Variants in SYT16 observed in about 807,000 individuals in gnomAD.
SYT16 encodes synaptotagmin 16.
Under a neutral mutation model 61.4 loss-of-function variants are expected in SYT16, and 42 were observed. That is an observed-to-expected ratio of 0.68 (90% CI 0.53 to 0.89). The LOEUF (loss-of-function observed/expected upper bound fraction) is 0.89, where lower values mean the gene tolerates loss of function less well. Ranked by LOEUF, SYT16 falls within the 40% of genes least tolerant of loss-of-function variation. The probability of loss-of-function intolerance (pLI) is 0.00; values close to 1 mark genes in which losing one functional copy is unlikely to be tolerated. For missense variants in SYT16, 804 were observed against 807.3 expected (o/e 1.00, Z 0.05); for synonymous variants, 314 against 302.3 (o/e 1.04, Z -0.40).
chr14:61,995,542 G>C (rs1309451632), intron 2 of SYT16, among the ~76,000 whole-genome samples: 1 of 151,736 alleles, frequency 6.6e-6, no homozygotes, highest in Non-Finnish European at 1.5e-5. Flanking sequence ...GACCTTTTTT[G>C]CGTTTTGAAA....
At chr14:61,989,872 C>T (rs548383361) in intron 2 of SYT16, among the ~76,000 whole-genome samples, 1 of 152,290 alleles carries the variant, frequency 6.6e-6, no homozygotes, top group African/African-American at 2.4e-5. Flanking sequence ...TTTATATTAA[C>T]TGCCTCCCTG....
intron 1 of SYT16, among the ~76,000 whole-genome samples, chr14:61,868,269 T>G (rs916152785): frequency 1.3e-5 from 2 of 151,902 alleles, no homozygotes; most frequent in African/African-American, 2.4e-5. Context: ...GTTTATCAAT[T>G]TTATTGTTTT....
chr14:62,078,331 G>T (rs1209365083), intron 5 of SYT16, among the ~76,000 whole-genome samples: 1 of 152,104 alleles, frequency 6.6e-6, no homozygotes, highest in Non-Finnish European at 1.5e-5. Flanking sequence ...AACTGCCAGG[G>T]CATGAGTCCT....
At chr14:62,045,705 T>G (rs1293546891) in intron 3 of SYT16, among the ~76,000 whole-genome samples, 2 of 152,120 alleles carry the variant, frequency 1.3e-5, no homozygotes, top group African/African-American at 4.8e-5. Context: ...ATGCGGTGTT[T>G]GGTTTTTTGT....
intron 3 of SYT16, among the ~76,000 whole-genome samples, chr14:62,043,635 T>A (rs2054837079): frequency 6.6e-6 from 1 of 152,042 alleles, no homozygotes; most frequent in African/African-American, 2.4e-5. Flanking sequence ...TCTTGATCTC[T>A]TGACTTCGTG....
chr14:61,891,447 T>C (rs984332408), intron 1 of SYT16, among the ~76,000 whole-genome samples: 1 of 152,190 alleles, frequency 6.6e-6, no homozygotes, highest in Non-Finnish European at 1.5e-5. Context: ...TGTTGACTCA[T>C]GTTGGATGAT....
intron 1 of SYT16, among the ~76,000 whole-genome samples, chr14:61,847,270 G>A (rs1024416370): frequency 2.0e-5 from 3 of 152,118 alleles, no homozygotes; most frequent in Non-Finnish European, 4.4e-5. Context: ...TCGTTTGTCT[G>A]GGAAAGTCTT....
At chr14:62,016,786 G>A (rs2053703092) in intron 3 of SYT16, among the ~76,000 whole-genome samples, 1 of 152,106 alleles carries the variant, frequency 6.6e-6, no homozygotes, top group Admixed American at 6.5e-5. Context: ...GCCTAAGTAT[G>A]TTTTTATAAC....
Position 62,104,045 on chromosome 14 carries a change from G to A in SYT16, c.*3338G>A, listed in dbSNP as rs1170984937. On this transcript the variant is annotated 3_prime_UTR_variant, in exon 8 of 8. Transcript: ENST00000683842. ...TACTGTGCTTTAGATGACCTTATCTGAGAACCAAAATTCTTTTCTTTCCAG... is the reference window on the plus strand; with the variant it reads ...TACTGTGCTTTAGATGACCTTATCTAAGAACCAAAATTCTTTTCTTTCCAG... 2 of 152,178 alleles carry A rather than the reference G, an allele frequency of 1.3e-5. No individual in the cohort carries two copies. Among genetic ancestry groups the A allele is most frequent in the Non-Finnish European group, 2.9e-5 (2 of 68,036 alleles). 9.4% of individuals were successfully genotyped at this position (152,178 alleles called of 1,614,324 possible).
chr14:61,891,319 GT>G (rs998605445), intron 1 of SYT16, among the ~76,000 whole-genome samples: 17 of 147,740 alleles, frequency 1.2e-4, no homozygotes, highest in East Asian at 9.8e-4. Context: ...GTCTTCACCT[GT>G]TTTTTTTTTC....
chr14:61,905,681 A>G (rs182550596), intron 1 of SYT16, among the ~76,000 whole-genome samples: 12 of 151,930 alleles, frequency 7.9e-5, no homozygotes, highest in Admixed American at 6.5e-4. Context: ...CAGGGTCTCT[A>G]TCAGTCTAGC....
chr14:61,891,860 G>C (rs994203367), intron 1 of SYT16, among the ~76,000 whole-genome samples: 1 of 152,134 alleles, frequency 6.6e-6, no homozygotes, highest in African/African-American at 2.4e-5. Flanking sequence ...ATATAATTAT[G>C]TGTCCATGTT....
intron 1 of SYT16, among the ~76,000 whole-genome samples, chr14:61,859,002 C>A (rs531164303): frequency 6.7e-6 from 1 of 149,386 alleles, no homozygotes; most frequent in Admixed American, 6.6e-5. Flanking sequence ...CTACAGGCGC[C>A]CACCACTACG....
chr14:61,929,928 G>C (rs1232088444), intron 1 of SYT16, among the ~76,000 whole-genome samples: 1 of 152,064 alleles, frequency 6.6e-6, no homozygotes, highest in African/African-American at 2.4e-5. Flanking sequence ...TTGTATATAA[G>C]GCAGTTACAT....
At chr14:62,086,498 A>G (rs1471938883) in intron 7 of SYT16, among the ~76,000 whole-genome samples, 1 of 144,870 alleles carries the variant, frequency 6.9e-6, no homozygotes, top group Non-Finnish European at 1.6e-5. Context: ...AAACAACAAC[A>G]AACAAACAAA....
At chr14:61,933,443 T>C (rs922500296) in intron 1 of SYT16, among the ~76,000 whole-genome samples, 7 of 152,214 alleles carry the variant, frequency 4.6e-5, no homozygotes, top group Non-Finnish European at 8.8e-5. Context: ...TCCCTGAATG[T>C]AGGACTGTAT....
rs1273407211 is a variant in SYT16 at position 62,102,239 on chromosome 14, G to C, written c.*1532G>C. The C allele has an allele frequency of 6.6e-6, 1 of 152,194 alleles. No homozygotes were observed. Among genetic ancestry groups the C allele is most frequent in the African/African-American group, 2.4e-5 (1 of 41,424 alleles). The allele number at this position is 152,194 out of a possible 1,614,324, so 9.4% of individuals were successfully genotyped here. A position where few individuals can be genotyped will look rare whatever the true frequency, so the allele number is the denominator to read the frequency against. ...GTAAGCGTAGGCTGTAACACTTGAA[G>C]AACATATTTATTCCTTACAGTGTGT... On this transcript the variant is annotated 3_prime_UTR_variant, in exon 8 of 8. Transcript: ENST00000683842.
At chr14:62,069,379 G>T (rs758643572) in intron 3 of SYT16, 3 of 558,944 alleles carry the variant, frequency 5.4e-6, no homozygotes, top group Non-Finnish European at 9.6e-6. Context: ...TTTGTCTTGG[G>T]TTCTAGCTAT....
At chr14:61,914,347 A>AT (rs1314758340) in intron 1 of SYT16, among the ~76,000 whole-genome samples, 1 of 152,168 alleles carries the variant, frequency 6.6e-6, no homozygotes, top group East Asian at 1.9e-4. Flanking sequence ...TTGTGGCTGA[A>AT]TCATGCTGTC....
Sources: allele counts gnomAD v4.1 joint callset (sites outside exome capture counted in the v4.1 genomes callset), GRCh38; gene constraint gnomAD v4.1.1; transcripts MANE v1.5; gene names NCBI Gene and HGNC (gene_info 2026-07-23, HGNC 2026-07-21).